Variants in CD82 observed in about 807,000 individuals in gnomAD.
CD82 encodes the protein CD82 molecule.
CD82 carries 36 observed loss-of-function variants against 37.4 expected under a neutral mutation model. The ratio of observed to expected loss-of-function variants is 0.96; its 90% confidence interval spans 0.74 to 1.27. CD82 has a LOEUF of 1.27. Among genes scored for constraint, CD82 ranks in the 50% most tolerant of loss-of-function variants. CD82 has a pLI of 0.00. For synonymous variants in CD82, 158 were observed against 137.4 expected, an observed-to-expected ratio of 1.15 and a Z score of -1.05; for missense variants, 340 against 347.0, an observed-to-expected ratio of 0.98 and a Z score of 0.16.
chr11:44,607,681 T>C (rs542156136), intron 6 of CD82, among the ~76,000 whole-genome samples: 27 of 152,352 alleles, frequency 1.8e-4, no homozygotes, highest in Non-Finnish European at 3.2e-4. Context: ...ACATTTTCCA[T>C]TTGAAGAAAC....
intron 6 of CD82, among the ~76,000 whole-genome samples, 180 bp downstream of exon 6, chr11:44,605,609 G>A (rs1853383072): frequency 6.6e-6 from 1 of 152,112 alleles, no homozygotes; most frequent in Admixed American, 6.5e-5. Flanking sequence ...AAGAGAAGGC[G>A]GCAGGTGTGG....
At position 44,617,174 on chromosome 11, in the gene CD82, C is replaced by T. The variant is rs1016201483; in HGVS notation, c.439-988C>T. On this transcript the variant is annotated intron_variant, in intron 7 of 9. Coordinates refer to ENST00000227155, the MANE Select transcript of CD82 (RefSeq NM_002231.4). ...ATCCTCCCAGGAACCCCCAGCATTG[C>T]GGGGATTCACACACAGAGACCTCCT... 2.0e-5 allele frequency among the ~76,000 whole-genome samples: 3 copies of T among 152,160 alleles called. No individual in the cohort carries two copies. In the East Asian group the frequency reaches 5.8e-4, roughly 29 times the overall value.
intron 6 of CD82, among the ~76,000 whole-genome samples, chr11:44,607,731 C>CACACAGCTTGGATGCATCAGAGTGGGG (rs1456728202): frequency 2.0e-5 from 3 of 152,248 alleles, no homozygotes; most frequent in Non-Finnish European, 2.9e-5. Flanking sequence ...GCCACTGACA[C>CACACAGCTTGGATGCATCAGAGTGGGG]ACACAGCTTG....
intron 1 of CD82, among the ~76,000 whole-genome samples, chr11:44,582,054 T>G (rs1244719887): frequency 6.6e-6 from 1 of 152,148 alleles, no homozygotes; most frequent in African/African-American, 2.4e-5. Flanking sequence ...TGGTGGGAAG[T>G]AATGGCACAA....
chr11:44,567,455 G>T (rs1329075726), intron 1 of CD82, among the ~76,000 whole-genome samples: 1 of 151,006 alleles, frequency 6.6e-6, no homozygotes, highest in Non-Finnish European at 1.5e-5. Flanking sequence ...GGGGGTGGGG[G>T]TAAGGAGGCT....
chr11:44,614,239 C>T lies in CD82; in HGVS notation c.337-1033C>T, dbSNP rs1007943588. 2.6e-5 allele frequency among the ~76,000 whole-genome samples: 4 copies of T among 152,130 alleles called. No individual in the cohort carries two copies. In the East Asian group the frequency reaches 7.7e-4, roughly 29 times the overall value. ...AGTTCCAGGTCCCTCAGTCTTGGGG[C>T]CCCCTCCAGGCATCTACCCTGCTGT... On this transcript the variant is annotated intron_variant, in intron 6 of 9. Transcript: ENST00000227155.
intron 1 of CD82, chr11:44,587,265 G>T (rs1853069015): frequency 2.8e-6 from 1 of 353,686 alleles, no homozygotes; most frequent in Non-Finnish European, 5.7e-6. Context: ...AAGGCCCTCA[G>T]GTAGGTATAA....
intron 4 of CD82, chr11:44,604,611 C>T (rs138664957): frequency 6.8e-4 from 126 of 185,752 alleles, no homozygotes; most frequent in African/African-American, 2.9e-3. Context: ...ACCAGCCAGC[C>T]TCTTGTCTGT....
Position 44,605,076 on chromosome 11 carries a change from T to C in CD82, c.155T>C (p.Leu52Pro). 6.2e-7 allele frequency: 1 copy of C among 1,614,194 alleles called. No homozygotes were observed. Among genetic ancestry groups the C allele is most frequent in the Non-Finnish European group, 8.5e-7 (1 of 1,180,032 alleles). The change falls in exon 5 of 10, where the codon CTT (leucine) becomes CCT (proline). Residue 52 changes from leucine to proline, a missense_variant. By Grantham distance (98) the Leu-to-Pro change is moderately conservative. Coordinates refer to ENST00000227155, the MANE Select transcript of CD82 (RefSeq NM_002231.4). ...CCCCTAGAAACCTCCTCCAGCTCGC[T>C]TAGGATGGGGGCCTATGTCTTCATC... Reference protein sequence around the residue: ...ISVLQTSSSSLRMGAYVFIGV... With the variant: ...ISVLQTSSSSPRMGAYVFIGV...
At chr11:44,600,518 CT>C (rs1853292828) in intron 4 of CD82, among the ~76,000 whole-genome samples, 2 of 152,188 alleles carry the variant, frequency 1.3e-5, no homozygotes, top group African/African-American at 4.8e-5. Context: ...TGGCCCTGAC[CT>C]TAGGAAAGCC....
chr11:44,598,707 G>A (rs887549091), intron 3 of CD82, among the ~76,000 whole-genome samples: 6 of 152,064 alleles, frequency 3.9e-5, no homozygotes, highest in East Asian at 1.9e-4. Flanking sequence ...CAGGTGCCTC[G>A]TGCCTTGGGC....
chr11:44,598,718 C>G (rs1168051746), intron 3 of CD82, among the ~76,000 whole-genome samples: 3 of 152,152 alleles, frequency 2.0e-5, no homozygotes, highest in Non-Finnish European at 4.4e-5. Flanking sequence ...TGCCTTGGGC[C>G]GGTCCTGGCT....
chr11:44,565,462 A>C (rs968522684), upstream of CD82: 1 of 150,572 alleles, frequency 6.6e-6, no homozygotes, highest in Non-Finnish European at 1.5e-5. Context: ...CCTCAGCTCC[A>C]GCTGGGCCCG....
At chr11:44,577,864 G>A (rs1852921178) in intron 1 of CD82, among the ~76,000 whole-genome samples, 1 of 152,176 alleles carries the variant, frequency 6.6e-6, no homozygotes, top group Non-Finnish European at 1.5e-5. Context: ...TTGGCCTAAG[G>A]CCTGAACTAT....
rs114663838 is a variant in CD82, at chr11:44,618,969, A to G, written c.727-80A>G. On this transcript the variant is annotated intron_variant, in intron 9 of 9. Coordinates refer to ENST00000227155, the MANE Select transcript of CD82 (RefSeq NM_002231.4). Reference sequence around the variant, plus strand: ...CAAGTTGAGGATCCACTTAATCCCCATGTAAACCTGGATGGTGAGGCTGGG... The same window carrying G: ...CAAGTTGAGGATCCACTTAATCCCCGTGTAAACCTGGATGGTGAGGCTGGG... 2.1e-3 allele frequency: 2,645 copies of G among 1,245,844 alleles called. 43 individuals are homozygous for G. In the African/African-American group the frequency reaches 0.034, roughly 16 times the overall value. The allele number at this position is 1,245,844 out of a possible 1,614,324, so 77.2% of individuals were successfully genotyped here.
chr11:44,574,262 T>C lies in CD82; in HGVS notation c.-103+8526T>C, dbSNP rs1852856789. Among the ~76,000 whole-genome samples the C allele has an allele frequency of 3.9e-5, 6 of 152,338 alleles. 1 individual carries two copies. In the South Asian group the frequency reaches 1.2e-3, roughly 32 times the overall value. On this transcript the variant is annotated intron_variant, in intron 1 of 9. Coordinates refer to ENST00000227155, the MANE Select transcript of CD82 (RefSeq NM_002231.4). ...AGCTCTGTGGTCCATCCAGTCAACC[T>C]ACCTGCCCAGTCTGATCCCATGGAC...
At chr11:44,594,388 A>ACCAGCC (rs3837391) in intron 2 of CD82, among the ~76,000 whole-genome samples, 58,517 of 150,610 alleles carry the variant, frequency 0.39, 11,918 homozygotes, top group African/African-American at 0.49. Flanking sequence ...TTTTGCTCCC[A>ACCAGCC]CCAGCCCCAG....
chr11:44,574,695 T>G (rs545226723), intron 1 of CD82, among the ~76,000 whole-genome samples: 2 of 152,136 alleles, frequency 1.3e-5, no homozygotes, highest in Admixed American at 1.3e-4. Context: ...CGTGAGCAGT[T>G]TGGTGTTTTG....
At chr11:44,609,598 C>T (rs1192153164) in intron 6 of CD82, among the ~76,000 whole-genome samples, 1 of 152,196 alleles carries the variant, frequency 6.6e-6, no homozygotes, top group East Asian at 1.9e-4. Flanking sequence ...ACCCTGAAAG[C>T]CCCAAATTGT....
Sources: gnomAD v4.1 joint callset for allele counts (sites outside exome capture counted in the v4.1 genomes callset) on GRCh38, gnomAD v4.1.1 for gene constraint, MANE v1.5 for transcripts, NCBI Gene and HGNC (gene_info 2026-07-23, HGNC 2026-07-21) for gene names.